EXOC4: variants seen among roughly 807,000 people sequenced by gnomAD.
The protein encoded by EXOC4 is exocyst complex component 4.
A neutral mutation model predicts 107.2 loss-of-function variants in EXOC4; 71 were observed. That is an observed-to-expected ratio of 0.66 (90% confidence interval 0.55 to 0.81). The LOEUF (loss-of-function observed/expected upper bound fraction) is 0.81. Among genes scored for constraint, EXOC4 ranks in the 30% least tolerant of loss-of-function variants. The pLI, the probability that EXOC4 is intolerant of heterozygous loss-of-function variation, is 0.00. For synonymous variants in EXOC4, 456 were observed against 441.2 expected (o/e 1.03, Z -0.42); for missense variants, 1,108 against 1,189.6 (o/e 0.93, Z 1.01).
At chr7:133,875,056 C>T (rs1159971148) in intron 11 of EXOC4, among the ~76,000 whole-genome samples, 1 of 152,170 alleles carries the variant, frequency 6.6e-6, no homozygotes, top group East Asian at 1.9e-4. Flanking sequence ...GTGTGGAATG[C>T]GAATCTGAGA....
intron 9 of EXOC4, among the ~76,000 whole-genome samples, chr7:133,621,625 C>T (rs1321375691): frequency 6.6e-6 from 1 of 152,184 alleles, no homozygotes; most frequent in Non-Finnish European, 1.5e-5. Flanking sequence ...AATTTAGATT[C>T]TCTGTCTTGA....
chr7:134,034,638 A>G (rs562103608), intron 17 of EXOC4, among the ~76,000 whole-genome samples: 2 of 152,292 alleles, frequency 1.3e-5, no homozygotes, highest in Admixed American at 6.5e-5. Context: ...ACTTTCTGCC[A>G]TGATTGTAAG....
chr7:133,467,756 T>G lies in EXOC4; in HGVS notation c.1183-7572T>G, dbSNP rs536891863. Among the ~76,000 whole-genome samples the G allele has an allele frequency of 8.5e-4, 129 of 152,114 alleles. 1 individual carries two copies. Among genetic ancestry groups the G allele is most frequent in the African/African-American group, 2.1e-3 (88 of 41,470 alleles). ...TGTTCTGTTCTGTGCCTTCATTTTT[T>G]TTTGTTTGTTTGTTTGTTTTCACAC... On this transcript the variant is annotated intron_variant, in intron 7 of 17. Transcript: ENST00000253861.
At chr7:133,608,706 G>A (rs151119451) in intron 9 of EXOC4, among the ~76,000 whole-genome samples, 50 of 151,598 alleles carry the variant, frequency 3.3e-4, no homozygotes, top group Middle Eastern at 3.4e-3. Flanking sequence ...GTGCCACCAC[G>A]CCCAGCTAAT....
At chr7:133,724,650 T>A (rs10274328) in intron 10 of EXOC4, among the ~76,000 whole-genome samples, 1 of 152,140 alleles carries the variant, frequency 6.6e-6, no homozygotes, top group African/African-American at 2.4e-5. Flanking sequence ...ATAGATCATT[T>A]GGTGACAAGC....
At chr7:133,597,359 G>A (rs1033515085) in intron 9 of EXOC4, among the ~76,000 whole-genome samples, 3 of 151,986 alleles carry the variant, frequency 2.0e-5, no homozygotes, top group African/African-American at 7.3e-5. Flanking sequence ...ATCCAGACCA[G>A]CCTGAACCAA....
intron 11 of EXOC4, among the ~76,000 whole-genome samples, chr7:133,858,839 T>C (rs1318730472): frequency 6.6e-6 from 1 of 152,180 alleles, no homozygotes; most frequent in East Asian, 1.9e-4. Context: ...TAGGTACCTC[T>C]ATGCTTCATC....
intron 3 of EXOC4, among the ~76,000 whole-genome samples, chr7:133,300,223 A>C (rs1794612853): frequency 1.3e-5 from 2 of 152,216 alleles, no homozygotes; most frequent in African/African-American, 4.8e-5. Flanking sequence ...GTTAGGAGAA[A>C]AAAGTATTCT....
At chr7:133,310,281 A>C (rs1254758083) in intron 4 of EXOC4, among the ~76,000 whole-genome samples, 1 of 152,194 alleles carries the variant, frequency 6.6e-6, no homozygotes, top group Non-Finnish European at 1.5e-5. Context: ...AACTGCAGAT[A>C]GTGCTGAACC....
At chr7:133,746,021 G>T (rs1276211533) in intron 10 of EXOC4, among the ~76,000 whole-genome samples, 2 of 152,016 alleles carry the variant, frequency 1.3e-5, no homozygotes, top group African/African-American at 4.8e-5. Context: ...CATTAGCTCA[G>T]CTTTGTTAAA....
rs80042185 is a variant in EXOC4, at chr7:133,518,715, A to G, written c.1417+38577A>G. Among the ~76,000 whole-genome samples, 626 of 152,304 alleles carry G rather than the reference A, an allele frequency of 4.1e-3. 7 individuals carry two copies. The highest frequency in any genetic ancestry group is 0.014 in the African/African-American group (590 of 41,566). ...TACAACATGGATGAACCTTGGGGAC[A>G]TTATAATAATACAGTCGCGAAAGGA... On this transcript the variant is annotated intron_variant, in intron 9 of 17. Coordinates refer to ENST00000253861, the MANE Select transcript of EXOC4 (RefSeq NM_021807.4).
At chr7:133,317,134 G>A (rs1795007183) in intron 4 of EXOC4, 150 bp from the exon 5 acceptor site, 6 of 566,930 alleles carry the variant, frequency 1.1e-5, no homozygotes, top group Admixed American at 9.9e-5. Context: ...AATATACTGG[G>A]GAGATCCAGT....
intron 10 of EXOC4, among the ~76,000 whole-genome samples, chr7:133,647,883 T>TA (rs1803033672): frequency 1.3e-5 from 2 of 152,162 alleles, no homozygotes; most frequent in South Asian, 2.1e-4. Flanking sequence ...ATTTTTCTGT[T>TA]AAAAAAATCA....
chr7:133,264,106 G>A (rs1034081002), intron 1 of EXOC4, among the ~76,000 whole-genome samples: 2 of 152,328 alleles, frequency 1.3e-5, no homozygotes, highest in Non-Finnish European at 2.9e-5. Context: ...AGTAAGAGTA[G>A]GGGGTAGATT....
chr7:133,549,414 G>GGA (rs966583069), intron 9 of EXOC4, among the ~76,000 whole-genome samples: 3 of 151,938 alleles, frequency 2.0e-5, no homozygotes, highest in South Asian at 2.1e-4. Flanking sequence ...GGAAGCCGGA[G>GGA]GAGAGAGAGA....
chr7:133,258,074 GT>G (rs1163220541), intron 1 of EXOC4, among the ~76,000 whole-genome samples: 2 of 152,202 alleles, frequency 1.3e-5, no homozygotes, highest in Admixed American at 6.5e-5. Flanking sequence ...ACATAATGGT[GT>G]TTGGTTTCTA....
intron 7 of EXOC4, among the ~76,000 whole-genome samples, chr7:133,435,668 A>T (rs983696526): frequency 6.6e-6 from 1 of 152,200 alleles, no homozygotes; most frequent in Non-Finnish European, 1.5e-5. Context: ...ATGGCAGTCA[A>T]ATGATACCTA....
intron 7 of EXOC4, among the ~76,000 whole-genome samples, chr7:133,400,501 G>A (rs995737094): frequency 6.6e-6 from 1 of 152,140 alleles, no homozygotes; most frequent in Non-Finnish European, 1.5e-5. Flanking sequence ...CAAAGACTGT[G>A]TTTTTACAGT....
At chr7:133,517,683 G>A (rs1799903543) in intron 9 of EXOC4, among the ~76,000 whole-genome samples, 1 of 103,244 alleles carries the variant, frequency 9.7e-6, no homozygotes, top group African/African-American at 3.2e-5. Context: ...GGGAAGACCC[G>A]CCTCCATGAT....
Sources: allele counts gnomAD v4.1 joint callset (sites outside exome capture counted in the v4.1 genomes callset), GRCh38; gene constraint gnomAD v4.1.1; transcripts MANE v1.5; gene names NCBI Gene and HGNC (gene_info 2026-07-23, HGNC 2026-07-21).